Variants in SLC44A1 observed in about 807,000 individuals in gnomAD.
SLC44A1 encodes the protein solute carrier family 44 member 1.
Under a neutral mutation model 79.3 loss-of-function variants are expected in SLC44A1, and 26 were observed. The ratio of observed to expected loss-of-function variants is 0.33; its 90% CI spans 0.24 to 0.46. The LOEUF is 0.46. SLC44A1 is among the 20% of genes least tolerant of loss of function. The probability of loss-of-function intolerance (pLI) is 1.00; values close to 1 mark genes in which losing one functional copy is unlikely to be tolerated. For missense variants in SLC44A1, 688 were observed against 798.1 expected, an observed-to-expected ratio of 0.86 and a Z score of 1.66; for synonymous variants, 263 against 286.2, an observed-to-expected ratio of 0.92 and a Z score of 0.82.
intron 13 of SLC44A1, among the ~76,000 whole-genome samples, chr9:105,376,348 C>CT (rs1564467285): frequency 6.8e-4 from 87 of 128,874 alleles, no homozygotes; most frequent in Middle Eastern, 4.3e-3. Context: ...CACACACACA[C>CT]ACTACACACA....
chr9:105,355,948 T>C (rs986671504), intron 5 of SLC44A1: 20 of 451,692 alleles, frequency 4.4e-5, no homozygotes, highest in African/African-American at 6.1e-5. Flanking sequence ...TGTGTGTGTG[T>C]GCGTTTCTTT....
chr9:105,416,701 A>G (rs904241954), intron 15 of SLC44A1, among the ~76,000 whole-genome samples: 1 of 152,248 alleles, frequency 6.6e-6, no homozygotes, highest in Non-Finnish European at 1.5e-5. Flanking sequence ...GGAAATGATA[A>G]GAGATGAGGC....
chr9:105,246,827 A>T (rs1394564089), intron 1 of SLC44A1, among the ~76,000 whole-genome samples: 1 of 152,192 alleles, frequency 6.6e-6, no homozygotes, highest in Non-Finnish European at 1.5e-5. Flanking sequence ...TTTAAAACCG[A>T]TAGTGGGTCT....
chr9:105,426,773 AC>A (rs1829327357), intron 15 of SLC44A1, among the ~76,000 whole-genome samples: 1 of 152,238 alleles, frequency 6.6e-6, no homozygotes, highest in African/African-American at 2.4e-5. Context: ...ATGATTATAC[AC>A]AGGTGAATTG....
intron 15 of SLC44A1, among the ~76,000 whole-genome samples, chr9:105,413,852 G>C (rs1009792603): frequency 6.6e-6 from 1 of 152,182 alleles, no homozygotes; most frequent in Non-Finnish European, 1.5e-5. Context: ...CCCTGACTAC[G>C]AAGGAATGTG....
intron 3 of SLC44A1, among the ~76,000 whole-genome samples, chr9:105,313,089 C>T (rs953692323): frequency 6.6e-6 from 1 of 152,166 alleles, no homozygotes; most frequent in African/African-American, 2.4e-5. Context: ...TTGATTCTTA[C>T]CTCTTTGCTG....
At position 105,346,349 on chromosome 9, in the gene SLC44A1, CT is replaced by C. The variant is rs1177859452; in HGVS notation, c.407-2003del. Reference sequence around the variant, plus strand: ...GAACTCCATTGCACCTGCTGACCTCCTTTTTTAAATGAAGAAGGGGTGGGGA... The same window carrying C: ...GAACTCCATTGCACCTGCTGACCTCCTTTTTAAATGAAGAAGGGGTGGGGA... On this transcript the variant is annotated intron_variant, in intron 4 of 15. Transcript: ENST00000374720. Among the ~76,000 whole-genome samples, 6 of 152,144 alleles carry C rather than the reference CT, an allele frequency of 3.9e-5. No individual in the cohort carries two copies. In the East Asian group the frequency reaches 1.2e-3, roughly 29 times the overall value.
Position 105,396,838 on chromosome 9 carries a change from A to G in SLC44A1, c.*7782A>G. 1 of 984,698 alleles carries G rather than the reference A, an allele frequency of 1.0e-6. No homozygotes were observed. The highest frequency in any genetic ancestry group is 1.2e-6 in the Non-Finnish European group (1 of 829,530). 61.0% of individuals were successfully genotyped at this position (984,698 alleles called of 1,614,324 possible). A position where few individuals can be genotyped will look rare whatever the true frequency, so the allele number is the denominator to read the frequency against. On this transcript the variant is annotated 3_prime_UTR_variant, in exon 16 of 16. Coordinates refer to ENST00000374720, the MANE Select transcript of SLC44A1 (RefSeq NM_080546.5). ...TCACAGTTAAGCCTTCCATGAATTC[A>G]TAGTTTGGAATCATTTACCTTACCA...
chr9:105,322,402 A>G lies in SLC44A1; in HGVS notation c.269+12536A>G, dbSNP rs1588777637. 2.0e-5 allele frequency among the ~76,000 whole-genome samples: 3 copies of G among 152,284 alleles called. No individual in the cohort carries two copies. The South Asian group carries it at 6.2e-4, about 32-fold the overall frequency. On this transcript the variant is annotated intron_variant, in intron 3 of 15. Coordinates refer to ENST00000374720, the MANE Select transcript of SLC44A1 (RefSeq NM_080546.5). ...AAGCCGGAAGTCTGTTAATGAGTAG[A>G]AGAGTGTATCAGTCTTATGATTTTT...
chr9:105,329,899 C>T (rs1255870578), intron 3 of SLC44A1, among the ~76,000 whole-genome samples: 1 of 152,078 alleles, frequency 6.6e-6, no homozygotes, highest in African/African-American at 2.4e-5. Flanking sequence ...TTCTCTAACC[C>T]CTTATCCTCC....
At chr9:105,298,095 A>G (rs528820478) in intron 1 of SLC44A1, among the ~76,000 whole-genome samples, 1 of 150,942 alleles carries the variant, frequency 6.6e-6, no homozygotes, top group African/African-American at 2.5e-5. Flanking sequence ...CCGAGATCCT[A>G]AGACTATTGA....
intron 3 of SLC44A1, among the ~76,000 whole-genome samples, chr9:105,331,069 A>G (rs1826734695): frequency 6.6e-6 from 1 of 151,980 alleles, no homozygotes. Flanking sequence ...TTTCATTCTC[A>G]CTTTTGGTAT....
At chr9:105,266,650 T>C (rs181968354) in intron 1 of SLC44A1, among the ~76,000 whole-genome samples, 1 of 152,058 alleles carries the variant, frequency 6.6e-6, no homozygotes, top group Non-Finnish European at 1.5e-5. Context: ...TTCTGTTTGG[T>C]TTCATCCATT....
Position 105,254,583 on chromosome 9 carries a change from G to A in SLC44A1, c.36+9679G>A, listed in dbSNP as rs561922919. Among the ~76,000 whole-genome samples the A allele has an allele frequency of 3.1e-4, 47 of 152,268 alleles. 1 individual carries two copies. In the South Asian group the frequency reaches 9.7e-3, roughly 32 times the overall value. On this transcript the variant is annotated intron_variant, in intron 1 of 15. Coordinates refer to ENST00000374720, the MANE Select transcript of SLC44A1 (RefSeq NM_080546.5). ...TGTCTTTAAATCAGACTTCTATAGT[G>A]TTTCCTAACATTTTACTTATAGCCC...
At chr9:105,399,037 G>A (rs763727707), downstream of SLC44A1, among the ~76,000 whole-genome samples, 19 of 152,342 alleles carry the variant, frequency 1.2e-4, no homozygotes, top group East Asian at 3.9e-4. Flanking sequence ...CTCGCGGGCC[G>A]TGGGTTGGAC....
At chr9:105,248,373 C>G (rs74807089) in intron 1 of SLC44A1, among the ~76,000 whole-genome samples, 1 of 152,086 alleles carries the variant, frequency 6.6e-6, no homozygotes, top group Non-Finnish European at 1.5e-5. Context: ...GTCTGGGTAT[C>G]ATGATTTTCC....
chr9:105,382,189 A>G (rs1465647744), intron 13 of SLC44A1, among the ~76,000 whole-genome samples: 1 of 151,768 alleles, frequency 6.6e-6, no homozygotes, highest in Non-Finnish European at 1.5e-5. Context: ...TTTTTTTTCT[A>G]CTCAGGTCGG....
intron 1 of SLC44A1, among the ~76,000 whole-genome samples, chr9:105,254,463 G>A (rs905257197): frequency 1.3e-5 from 2 of 152,192 alleles, no homozygotes; most frequent in Non-Finnish European, 2.9e-5. Context: ...ACAAAAGGAG[G>A]ACTTTGCCAG....
rs907745545 is a variant in SLC44A1 at position 105,391,660 on chromosome 9, C to T, written c.*2604C>T. On this transcript the variant is annotated 3_prime_UTR_variant, in exon 16 of 16. Transcript: ENST00000374720. ...TTGAGGTTATGTTTGGATATTCCTG[C>T]TGCCTCTTTTCATTCATTTCAAGTC... 1.0e-6 allele frequency: 1 copy of T among 985,170 alleles called. No homozygotes were observed. The highest frequency in any genetic ancestry group is 1.7e-5 in the African/African-American group (1 of 57,198). 61.0% of individuals were successfully genotyped at this position (985,170 alleles called of 1,614,324 possible). A position where few individuals can be genotyped will look rare whatever the true frequency, so the allele number is the denominator to read the frequency against.
Sources: gnomAD v4.1 joint callset for allele counts (sites outside exome capture counted in the v4.1 genomes callset) on GRCh38, gnomAD v4.1.1 for gene constraint, MANE v1.5 for transcripts, NCBI Gene and HGNC (gene_info 2026-07-23, HGNC 2026-07-21) for gene names.